DOCK3: variants seen among roughly 807,000 people sequenced by gnomAD.
DOCK3 encodes dedicator of cytokinesis 3.
Under a neutral mutation model 265.6 loss-of-function variants are expected in DOCK3, and 60 were observed. That is an observed-to-expected ratio of 0.23 (90% confidence interval 0.18 to 0.28). DOCK3 has a LOEUF of 0.28. Ranked by LOEUF, DOCK3 falls within the 10% of genes least tolerant of loss-of-function variation. DOCK3 has a pLI of 1.00. For missense variants in DOCK3, 1,981 were observed against 2,594.3 expected, an observed-to-expected ratio of 0.76 and a Z score of 5.14; for synonymous variants, 881 against 938.0, an observed-to-expected ratio of 0.94 and a Z score of 1.11.
In DOCK3 at chr3:50,906,966, C is replaced by T. The variant is rs1020920452; in HGVS notation, c.218+16885C>T. ...TTCTGGTATGTTGTGTCTTTGTTCT[C>T]ATTGGTTTCAAAGAACATCTTTATT... is the stretch of plus-strand genomic sequence containing the variant. On this transcript the variant is annotated intron_variant, in intron 4 of 52. Transcript: ENST00000266037. Among the ~76,000 whole-genome samples the T allele has an allele frequency of 3.3e-5, 5 of 152,028 alleles. No homozygotes were observed. In the South Asian group the frequency reaches 1.0e-3, roughly 32 times the overall value.
At chr3:50,682,801 T>C (rs1044539285) in intron 1 of DOCK3, among the ~76,000 whole-genome samples, 3 of 152,204 alleles carry the variant, frequency 2.0e-5, no homozygotes, top group African/African-American at 7.2e-5. Context: ...TAGCCGGGCA[T>C]GGTGGCGCAC....
intron 2 of DOCK3, chr3:50,787,666 C>G: frequency 7.6e-7 from 1 of 1,313,270 alleles, no homozygotes; most frequent in Non-Finnish European, 1.1e-6. Flanking sequence ...TCTTGTAGTT[C>G]TGGGAGTAGG....
intron 9 of DOCK3, among the ~76,000 whole-genome samples, chr3:51,130,435 C>G (rs2084474618): frequency 1.3e-5 from 2 of 152,222 alleles, no homozygotes. Flanking sequence ...TTTGCAGAGT[C>G]AGTGGCTGCA....
chr3:51,176,309 A>G (rs899735472), intron 12 of DOCK3, among the ~76,000 whole-genome samples: 1 of 152,058 alleles, frequency 6.6e-6, no homozygotes, highest in African/African-American at 2.4e-5. Flanking sequence ...CTCCTCCAAA[A>G]AGAATGGCAT....
chr3:51,254,438 C>T (rs535170967), intron 22 of DOCK3, among the ~76,000 whole-genome samples: 1 of 151,966 alleles, frequency 6.6e-6, no homozygotes, highest in East Asian at 1.9e-4. Flanking sequence ...CTTTATGTCT[C>T]GTTGATCTGT....
At chr3:51,089,135 A>G in intron 7 of DOCK3, 108 bp from the exon 8 acceptor site, 1 of 1,097,798 alleles carries the variant, frequency 9.1e-7, no homozygotes, top group South Asian at 1.5e-5. Flanking sequence ...GAATTAAATG[A>G]GATCATGAAT....
chr3:51,093,832 G>C (rs2082726256), intron 9 of DOCK3, among the ~76,000 whole-genome samples: 1 of 152,174 alleles, frequency 6.6e-6, no homozygotes. Context: ...ACTATTTTGA[G>C]ATATGTTACA....
chr3:50,884,552 A>T (rs2048232102), intron 3 of DOCK3, among the ~76,000 whole-genome samples: 1 of 152,098 alleles, frequency 6.6e-6, no homozygotes, highest in Admixed American at 6.6e-5. Context: ...ACTATAGGTA[A>T]GGTGTTGTTT....
At position 51,237,537 on chromosome 3, in the gene DOCK3, A is replaced by G; in HGVS notation, c.2049A>G (p.Arg683=). Residue 683 remains arginine (R), a synonymous_variant, in exon 21 of 53, where the codon CGA becomes CGG. Transcript: ENST00000266037. ...GAGACATCAAGTATTTTCACTTTCG[A>G]CCTGTGATGGACACGTATATCCAGA... ...LLRDIKYFHF[R]PVMDTYIQKH... 1 of 1,613,202 alleles carries G rather than the reference A, an allele frequency of 6.2e-7. No individual in the cohort carries two copies.
intron 27 of DOCK3, among the ~76,000 whole-genome samples, chr3:51,289,020 A>G (rs12489219): frequency 0.054 from 8,233 of 152,018 alleles, 829 homozygotes; most frequent in East Asian, 0.32. Flanking sequence ...AGACTTGAGT[A>G]TAAATGACTT....
intron 5 of DOCK3, among the ~76,000 whole-genome samples, chr3:50,935,334 T>C (rs561902183): frequency 1.9e-4 from 29 of 152,254 alleles, no homozygotes; most frequent in Non-Finnish European, 3.4e-4. Flanking sequence ...CCTCCTACAG[T>C]AACAAGGGGA....
In DOCK3 at chr3:51,307,800, A is replaced by AT. The variant is rs550249625; in HGVS notation, c.2923-2420dup. On this transcript the variant is annotated intron_variant, in intron 27 of 52. Coordinates refer to ENST00000266037, the MANE Select transcript of DOCK3 (RefSeq NM_004947.5). The stretch of plus-strand genomic sequence containing the variant: ...TTTCATTCCTCAGATTTTCCTTATA[A>AT]TTTTTTTTTTTTAGCCATTCTCTGG... Among the ~76,000 whole-genome samples the AT allele has an allele frequency of 6.0e-4, 84 of 139,586 alleles. 1 individual carries two copies. The highest frequency in any genetic ancestry group is 2.0e-3 in the South Asian group (9 of 4,420). The allele number at this position is 139,586 out of a possible 152,430, so 91.6% of individuals were successfully genotyped here. A position where few individuals can be genotyped will look rare whatever the true frequency, so the allele number is the denominator to read the frequency against.
chr3:50,978,854 G>A (rs1281075497), intron 5 of DOCK3, among the ~76,000 whole-genome samples: 1 of 152,192 alleles, frequency 6.6e-6, no homozygotes, highest in African/African-American at 2.4e-5. Context: ...GTGGTGTGCC[G>A]TTTTTTAAGC....
intron 27 of DOCK3, among the ~76,000 whole-genome samples, chr3:51,287,428 C>T (rs1398772443): frequency 1.3e-5 from 2 of 152,044 alleles, no homozygotes; most frequent in Non-Finnish European, 2.9e-5. Context: ...GTGACATGTG[C>T]CTGTTGTCCA....
intron 27 of DOCK3, among the ~76,000 whole-genome samples, chr3:51,281,050 A>C (rs143406318): frequency 0.014 from 2,170 of 152,138 alleles, 61 homozygotes; most frequent in African/African-American, 0.048. Context: ...CCATTTTCCC[A>C]ATGTAGTTTT....
chr3:50,719,849 C>A, intron 1 of DOCK3: 1 of 719,556 alleles, frequency 1.4e-6, no homozygotes. Flanking sequence ...CAAATGCATT[C>A]TTTCCAGTGC....
rs781751648 is a variant in DOCK3 at position 51,350,270 on chromosome 3, G to A, written c.4003-18G>A. On this transcript the variant is annotated intron_variant, in intron 39 of 52. Coordinates refer to ENST00000266037, the MANE Select transcript of DOCK3 (RefSeq NM_004947.5). Reference sequence around the variant, plus strand: ...CCAACAGCAGTCAAGCCAACCTGAAGACCTTTCTCATTCACAGAAAATGGA... The same window carrying A: ...CCAACAGCAGTCAAGCCAACCTGAAAACCTTTCTCATTCACAGAAAATGGA... The A allele has an allele frequency of 6.3e-7, 1 of 1,593,366 alleles. No homozygotes were observed. The highest frequency in any genetic ancestry group is 8.5e-7 in the Non-Finnish European group (1 of 1,174,218).
chr3:50,897,431 A>G (rs577453980), intron 4 of DOCK3, among the ~76,000 whole-genome samples: 115 of 152,254 alleles, frequency 7.6e-4, no homozygotes, highest in African/African-American at 2.6e-3. Flanking sequence ...CTGCAAACAG[A>G]GACAATTTGA....
At chr3:51,216,794 T>G (rs957395166) in intron 14 of DOCK3, among the ~76,000 whole-genome samples, 2 of 152,242 alleles carry the variant, frequency 1.3e-5, no homozygotes, top group Non-Finnish European at 2.9e-5. Flanking sequence ...GTGGTCAGCC[T>G]GTCTTGGGAA....
Sources: allele counts gnomAD v4.1 joint callset (sites outside exome capture counted in the v4.1 genomes callset), GRCh38; gene constraint gnomAD v4.1.1; transcripts MANE v1.5; gene names NCBI Gene and HGNC (gene_info 2026-07-23, HGNC 2026-07-21).